SIRPG: variants seen among roughly 807,000 people sequenced by gnomAD.
SIRPG encodes signal-regulatory protein gamma.
In SIRPG, 38 loss-of-function variants were observed where a neutral mutation model predicts 35.7. The ratio of observed to expected loss-of-function variants is 1.06; its 90% confidence interval spans 0.82 to 1.40. The LOEUF is 1.40. Ranked by LOEUF, SIRPG falls within the 40% of genes most tolerant of loss-of-function variation. The pLI, the probability that SIRPG is intolerant of heterozygous loss-of-function variation, is 0.00. For missense variants in SIRPG, 519 were observed against 483.0 expected, an observed-to-expected ratio of 1.07 and a Z score of -0.70; for synonymous variants, 215 against 190.4, an observed-to-expected ratio of 1.13 and a Z score of -1.06.
the SIRPG span, among the ~76,000 whole-genome samples, chr20:1,678,262 T>A: frequency 1.3e-5 from 2 of 152,138 alleles, no homozygotes; most frequent in African/African-American, 4.8e-5. Flanking sequence ...CCCACCCTGA[T>A]GCTAGACCAA....
chr20:1,658,668 T>C (rs866838626), upstream of SIRPG, among the ~76,000 whole-genome samples: 1 of 152,148 alleles, frequency 6.6e-6, no homozygotes, highest in Non-Finnish European at 1.5e-5. Flanking sequence ...TTTTGTGCAG[T>C]GTTTTAGTGA....
intron 2 of SIRPG, among the ~76,000 whole-genome samples, chr20:1,636,868 CAG>C (rs77747676): frequency 0.15 from 22,110 of 152,102 alleles, 1,742 homozygotes; most frequent in African/African-American, 0.19. Context: ...TCACCAACCT[CAG>C]AGAGGGTGTT....
chr20:1,658,012 G>C (rs2091985406), upstream of SIRPG, among the ~76,000 whole-genome samples: 1 of 152,164 alleles, frequency 6.6e-6, no homozygotes, highest in Admixed American at 6.5e-5. Context: ...CCCATTTTCA[G>C]GTCTTCTTGG....
upstream of SIRPG, among the ~76,000 whole-genome samples, chr20:1,661,589 C>T (rs2091995977): frequency 6.6e-6 from 1 of 152,168 alleles, no homozygotes; most frequent in Non-Finnish European, 1.5e-5. Flanking sequence ...ATGGACATTG[C>T]CTGCCCTGTC....
At chr20:1,683,730 G>T in the SIRPG span, among the ~76,000 whole-genome samples, 3 of 152,182 alleles carry the variant, frequency 2.0e-5, no homozygotes, top group Non-Finnish European at 4.4e-5. Context: ...CACTTTGAGA[G>T]GCTGAGGCAG....
intron 2 of SIRPG, chr20:1,647,582 G>A (rs1047252614): frequency 2.6e-5 from 4 of 152,248 alleles, no homozygotes; most frequent in Non-Finnish European, 5.9e-5. Context: ...TGAGGAGGGT[G>A]ATACATGTAC....
intron 2 of SIRPG, among the ~76,000 whole-genome samples, chr20:1,638,236 G>A (rs6110721): frequency 0.024 from 3,722 of 152,250 alleles, 142 homozygotes; most frequent in African/African-American, 0.084. Context: ...GGTCTGAGGG[G>A]ACCCCAGCTA....
intron 2 of SIRPG, among the ~76,000 whole-genome samples, chr20:1,642,305 C>T (rs529933320): frequency 2.0e-5 from 3 of 152,224 alleles, no homozygotes; most frequent in Non-Finnish European, 4.4e-5. Flanking sequence ...TTGAATTGAT[C>T]CCTTTACCAT....
chr20:1,669,374 T>C, the SIRPG span, among the ~76,000 whole-genome samples: 2 of 152,186 alleles, frequency 1.3e-5, no homozygotes, highest in Non-Finnish European at 2.9e-5. Context: ...AATTTGCACG[T>C]AGTAAATGTG....
upstream of SIRPG, among the ~76,000 whole-genome samples, chr20:1,659,798 T>C (rs1171330672): frequency 6.6e-6 from 1 of 152,204 alleles, no homozygotes; most frequent in East Asian, 1.9e-4. Context: ...GAAGAAGCTA[T>C]AGCCTCAATT....
rs746007484 is a variant in SIRPG at position 1,635,290 on chromosome 20, T to C, written c.1058A>G (p.Asp353Gly). The C allele has an allele frequency of 6.2e-7, 1 of 1,612,564 alleles. No homozygotes were observed. The highest frequency in any genetic ancestry group is 2.2e-5 in the East Asian group (1 of 44,804). The change falls in exon 4 of 6, where the codon GAC becomes GGC. Residue 353 changes from aspartate to glycine, a missense_variant. Transcript: ENST00000303415. ...LALEVTVHQKDQSSDATPGPA... is the reference protein window; with the variant it reads ...LALEVTVHQKGQSSDATPGPA... ...ACCAGGGGTAGCATCTGAGCTCTGG[T>C]CCTTCTGGTGGACTGTGACCTCTAG... is the stretch of plus-strand genomic sequence containing the variant.
At chr20:1,645,585 T>C (rs1339342835) in intron 2 of SIRPG, among the ~76,000 whole-genome samples, 1 of 152,164 alleles carries the variant, frequency 6.6e-6, no homozygotes, top group African/African-American at 2.4e-5. Flanking sequence ...GCATTCCAGG[T>C]GCTGCTCTGA....
the SIRPG span, among the ~76,000 whole-genome samples, chr20:1,668,791 AGGAT>A: frequency 6.6e-6 from 1 of 152,216 alleles, no homozygotes; most frequent in Non-Finnish European, 1.5e-5. Context: ...CAGATCACCC[AGGAT>A]GGACTCCATT....
At chr20:1,669,190 T>C in the SIRPG span, among the ~76,000 whole-genome samples, 2 of 152,230 alleles carry the variant, frequency 1.3e-5, no homozygotes, top group African/African-American at 4.8e-5. Context: ...TGGCCCTGTC[T>C]TCAGGGCCTC....
At chr20:1,634,185 ATGGTCACC>A (rs2091772554) in intron 4 of SIRPG, among the ~76,000 whole-genome samples, 2 of 150,348 alleles carry the variant, frequency 1.3e-5, no homozygotes, top group South Asian at 4.2e-4. Flanking sequence ...GTGACCATTC[ATGGTCACC>A]TGCAGGCCTG....
chr20:1,638,791 C>T (rs999882129), intron 2 of SIRPG, among the ~76,000 whole-genome samples: 1 of 139,566 alleles, frequency 7.2e-6, no homozygotes, highest in Non-Finnish European at 1.6e-5. Flanking sequence ...CCTTGACTGG[C>T]CCTGGTGTGT....
chr20:1,668,187 C>T, the SIRPG span, among the ~76,000 whole-genome samples: 249 of 49,740 alleles, frequency 5.0e-3, 1 homozygote, highest in East Asian at 0.017. Flanking sequence ...TTCTTTCTTT[C>T]TTTTTCTTTT....
the SIRPG span, chr20:1,671,339 C>T: frequency 3.6e-5 from 6 of 164,600 alleles, no homozygotes; most frequent in African/African-American, 4.8e-5. Flanking sequence ...CTCATTTTAC[C>T]GACCAGGCTG....
At chr20:1,651,322 C>T (rs993402849) in intron 1 of SIRPG, 1 of 152,346 alleles carries the variant, frequency 6.6e-6, no homozygotes, top group African/African-American at 2.4e-5. Flanking sequence ...CTCTTCTTGT[C>T]CTCCTCTTCT....
Sources: gnomAD v4.1 joint callset for allele counts (sites outside exome capture counted in the v4.1 genomes callset) on GRCh38, gnomAD v4.1.1 for gene constraint, MANE v1.5 for transcripts, NCBI Gene and HGNC (gene_info 2026-07-23, HGNC 2026-07-21) for gene names.